Variants in EPN1 observed in about 807,000 individuals in gnomAD.
EPN1 encodes epsin 1.
In EPN1, 25 loss-of-function variants were observed where a neutral mutation model predicts 56.9. The ratio of observed to expected loss-of-function variants is 0.44; its 90% CI spans 0.32 to 0.61. The LOEUF (loss-of-function observed/expected upper bound fraction) is 0.61, where lower values mean the gene tolerates loss of function less well. EPN1 is among the 20% of genes least tolerant of loss of function. The probability of loss-of-function intolerance (pLI) is 0.05; values close to 1 mark genes in which losing one functional copy is unlikely to be tolerated. For synonymous variants in EPN1, 411 were observed against 361.8 expected, an observed-to-expected ratio of 1.14 and a Z score of -1.54; for missense variants, 785 against 823.7, an observed-to-expected ratio of 0.95 and a Z score of 0.58.
At position 55,697,871 on chromosome 19, in the gene EPN1, C is replaced by G. The variant is rs953124174; in HGVS notation, c.*2515C>G. On this transcript the variant is annotated 3_prime_UTR_variant, in exon 11 of 11. Transcript: ENST00000270460. ...CTCCCCCCACTGTGTGTGTATCACTCTTTCTACAGCAGATGTGTCTCTCTC... is the reference window on the plus strand; with the variant it reads ...CTCCCCCCACTGTGTGTGTATCACTGTTTCTACAGCAGATGTGTCTCTCTC... 5 of 152,174 alleles carry G rather than the reference C, an allele frequency of 3.3e-5. No homozygotes were observed. The highest frequency in any genetic ancestry group is 9.7e-5 in the African/African-American group (4 of 41,408). 9.4% of individuals were successfully genotyped at this position (152,174 alleles called of 1,614,324 possible).
Position 55,694,256 on chromosome 19 carries a change from C to T in EPN1, c.1265-470C>T, listed in dbSNP as rs1310774185. The T allele has an allele frequency of 3.2e-5, 5 of 154,594 alleles. No homozygotes were observed. Among genetic ancestry groups the T allele is most frequent in the Non-Finnish European group, 5.7e-5 (4 of 70,740 alleles). The allele number at this position is 154,594 out of a possible 1,614,324, so 9.6% of individuals were successfully genotyped here. On this transcript the variant is annotated intron_variant, in intron 9 of 10. Coordinates refer to ENST00000270460, the MANE Select transcript of EPN1 (RefSeq NM_001130072.2). The surrounding 1 kb of genome is among the most constrained non-coding windows in gnomAD (Gnocchi z 4.2). Reference sequence around the variant, plus strand: ...AAAAAAAAAAAAACAGAAAATCAGACCTCTAGCCAACAGATGTCTTCACGC... The same window carrying T: ...AAAAAAAAAAAAACAGAAAATCAGATCTCTAGCCAACAGATGTCTTCACGC...
Position 55,700,565 on chromosome 19 carries a change from T to A in EPN1, c.*5209T>A, listed in dbSNP as rs10421319. ...GTGAGCCACGGCACCCGGCCCATAA[T>A]TACAAACTTTCTGAGGGACATCTTG... On this transcript the variant is annotated 3_prime_UTR_variant, in exon 11 of 11. Transcript: ENST00000270460. 0.22 allele frequency: 33,816 copies of A among 151,598 alleles called. 5,025 individuals carry two copies. The highest frequency in any genetic ancestry group is 0.32 in the African/African-American group (13,084 of 40,970). The allele number at this position is 151,598 out of a possible 1,614,324, so 9.4% of individuals were successfully genotyped here. A position where few individuals can be genotyped will look rare whatever the true frequency, so the allele number is the denominator to read the frequency against.
At position 55,683,848 on chromosome 19, in the gene EPN1, T is replaced by A. The variant is rs1430136844; in HGVS notation, c.229-1548T>A. On this transcript the variant is annotated intron_variant, in intron 2 of 10. Coordinates refer to ENST00000270460, the MANE Select transcript of EPN1 (RefSeq NM_001130072.2). ...GTTCGGCACAAAGTCTGACCCAGAC[T>A]GAAGTGAGGTCGTTCACATGGTGTC... Among the ~76,000 whole-genome samples, 7 of 152,384 alleles carry A rather than the reference T, an allele frequency of 4.6e-5. No homozygotes were observed. The East Asian group carries it at 1.3e-3, about 29-fold the overall frequency.
In EPN1 at chr19:55,706,138, A is replaced by G; in HGVS notation, c.*10782A>G. The G allele has an allele frequency of 5.2e-6, 1 of 192,266 alleles. No homozygotes were observed. The highest frequency in any genetic ancestry group is 1.0e-5 in the Non-Finnish European group (1 of 99,880). 11.9% of individuals were successfully genotyped at this position (192,266 alleles called of 1,614,324 possible). ...AGGTTTATGAGACTGGAGAACTTTG[A>G]TTTCTTCTTCCTCCTCCTCCTCTCT... On this transcript the variant is annotated 3_prime_UTR_variant, in exon 11 of 11. Transcript: ENST00000270460.
intron 6 of EPN1, 75 bp downstream of exon 6, chr19:55,690,025 A>G: frequency 7.3e-7 from 1 of 1,363,446 alleles, no homozygotes; most frequent in Admixed American, 2.1e-5. Flanking sequence ...CTGCGTGGCC[A>G]GGTCCCTGGA....
At position 55,697,318 on chromosome 19, in the gene EPN1, T is replaced by G. The variant is rs1048297351; in HGVS notation, c.*1962T>G. On this transcript the variant is annotated 3_prime_UTR_variant, in exon 11 of 11. Transcript: ENST00000270460. ...AAAGGGGAGGCGAGCCGAGCCTCCCTCTTGCCAATCTTGGTCTCCCCACAG... is the reference window on the plus strand; with the variant it reads ...AAAGGGGAGGCGAGCCGAGCCTCCCGCTTGCCAATCTTGGTCTCCCCACAG... 3 of 152,170 alleles carry G rather than the reference T, an allele frequency of 2.0e-5. No homozygotes were observed. The highest frequency in any genetic ancestry group is 2.9e-5 in the Non-Finnish European group (2 of 68,028). The allele number at this position is 152,170 out of a possible 1,614,324, so 9.4% of individuals were successfully genotyped here. A position where few individuals can be genotyped will look rare whatever the true frequency, so the allele number is the denominator to read the frequency against.
intron 9 of EPN1, 30 bp downstream of exon 9, chr19:55,693,067 C>T (rs373202205): frequency 1.2e-5 from 19 of 1,595,580 alleles, no homozygotes; most frequent in Non-Finnish European, 1.5e-5. Flanking sequence ...TGCCCAGTGG[C>T]GAGAGGGAGC....
rs533501750 is a variant in EPN1, at chr19:55,706,115, G to GT, written c.*10762dup. 9.3e-4 allele frequency: 225 copies of GT among 242,460 alleles called. No homozygotes were observed. Among genetic ancestry groups the GT allele is most frequent in the South Asian group, 7.0e-3 (133 of 18,966 alleles). 15.0% of individuals were successfully genotyped at this position (242,460 alleles called of 1,614,324 possible). A position where few individuals can be genotyped will look rare whatever the true frequency, so the allele number is the denominator to read the frequency against. On this transcript the variant is annotated 3_prime_UTR_variant, in exon 11 of 11. Transcript: ENST00000270460. Reference sequence around the variant, plus strand: ...TTTTCCAGATTCTCTGCATGTGCAGGTTTATGAGACTGGAGAACTTTGATT... The same window carrying GT: ...TTTTCCAGATTCTCTGCATGTGCAGGTTTTATGAGACTGGAGAACTTTGATT...
intron 2 of EPN1, among the ~76,000 whole-genome samples, chr19:55,683,629 A>T (rs1985974951): frequency 1.3e-5 from 2 of 152,248 alleles, no homozygotes; most frequent in South Asian, 4.1e-4. Flanking sequence ...CCGGGATTAT[A>T]GGCGTGAGCC....
chr19:55,692,709 T>A lies in EPN1; in HGVS notation c.1090T>A (p.Ser364Thr), dbSNP rs1394412947. 6.4e-7 allele frequency: 1 copy of A among 1,554,022 alleles called. No individual in the cohort carries two copies. The highest frequency in any genetic ancestry group is 8.7e-7 in the Non-Finnish European group (1 of 1,148,936). ...AGGTGGGGTCCCGGTCAGTGGGCCC[T>A]CAGCCTCCGATCCCTGGACACCGGC... ...SDGGVPVSGP[S>T]ASDPWTPAPA... The change falls in exon 8 of 11, where the codon TCA becomes ACA. Residue 364 changes from serine to threonine, a missense_variant. Transcript: ENST00000270460.
chr19:55,680,712 T>G (rs1345404369), intron 2 of EPN1: 2 of 152,342 alleles, frequency 1.3e-5, no homozygotes, highest in Non-Finnish European at 2.9e-5. Context: ...TGGGTCCACG[T>G]CTAGCCAGCG....
Position 55,695,369 on chromosome 19 carries a change from G to A in EPN1, c.*13G>A, listed in dbSNP as rs1335426894. The A allele has an allele frequency of 7.0e-7, 1 of 1,426,896 alleles. No homozygotes were observed. The highest frequency in any genetic ancestry group is 9.5e-7 in the Non-Finnish European group (1 of 1,050,906). The allele number at this position is 1,426,896 out of a possible 1,614,324, so 88.4% of individuals were successfully genotyped here. ...CTTCCTCCTATAATCCAGGGCGGAA[G>A]GGGGCCTGGCTCCATCCGGCTGCCC... On this transcript the variant is annotated 3_prime_UTR_variant, in exon 11 of 11. Transcript: ENST00000270460. This position sits in a 1 kb window ranked among gnomAD's most constrained non-coding sequence, Gnocchi z 4.4.
At position 55,706,786 on chromosome 19, in the gene EPN1, C is replaced by G; in HGVS notation, c.*11430C>G. 1 of 151,868 alleles carries G rather than the reference C, an allele frequency of 6.6e-6. No homozygotes were observed. Among genetic ancestry groups the G allele is most frequent in the East Asian group, 1.9e-4 (1 of 5,190 alleles). The allele number at this position is 151,868 out of a possible 1,614,324, so 9.4% of individuals were successfully genotyped here. ...AGGTGCGATGGCTTGTGCCTGTAATCCCAGCAGTTTGAGAGGCTGAAGTGG... is the reference window on the plus strand; with the variant it reads ...AGGTGCGATGGCTTGTGCCTGTAATGCCAGCAGTTTGAGAGGCTGAAGTGG... On this transcript the variant is annotated 3_prime_UTR_variant, in exon 11 of 11. Transcript: ENST00000270460.
chr19:55,691,617 C>T lies in EPN1; in HGVS notation c.763-137C>T. Reference sequence around the variant, plus strand: ...CAGGTGGTGTGTTTGGGGCCTGCCTCCCTCTCACCCCTTATGGATGGCTGC... The same window carrying T: ...CAGGTGGTGTGTTTGGGGCCTGCCTTCCTCTCACCCCTTATGGATGGCTGC... On this transcript the variant is annotated intron_variant, in intron 6 of 10. Coordinates refer to ENST00000270460, the MANE Select transcript of EPN1 (RefSeq NM_001130072.2). The surrounding 1 kb of genome is among the most constrained non-coding windows in gnomAD (Gnocchi z 5.6). 1.4e-6 allele frequency: 1 copy of T among 719,096 alleles called. No homozygotes were observed. The highest frequency in any genetic ancestry group is 2.3e-6 in the Non-Finnish European group (1 of 428,736). The allele number at this position is 719,096 out of a possible 1,614,324, so 44.5% of individuals were successfully genotyped here.
intron 2 of EPN1, among the ~76,000 whole-genome samples, chr19:55,679,904 C>T (rs7249837): frequency 0.34 from 52,136 of 152,012 alleles, 12,368 homozygotes; most frequent in African/African-American, 0.67. Context: ...GTGAGCCTCT[C>T]TGGAGGCAAC....
At position 55,689,038 on chromosome 19, in the gene EPN1, C is replaced by A; in HGVS notation, c.603+44C>A. The A allele has an allele frequency of 6.5e-7, 1 of 1,546,082 alleles. No individual in the cohort carries two copies. Among genetic ancestry groups the A allele is most frequent in the Admixed American group, 1.8e-5 (1 of 54,446 alleles). On this transcript the variant is annotated intron_variant, in intron 4 of 10. Coordinates refer to ENST00000270460, the MANE Select transcript of EPN1 (RefSeq NM_001130072.2). The surrounding 1 kb of genome is among the most constrained non-coding windows in gnomAD (Gnocchi z 5.7). The stretch of plus-strand genomic sequence containing the variant: ...GGGCTGTCTGTCCGCCACCCGCCTC[C>A]ACGCCTCACTTCAGGCTCCCTCCCA...
rs879137467 is a variant in EPN1 at position 55,692,739 on chromosome 19, G to A, written c.1120G>A (p.Ala374Thr). 5.7e-6 allele frequency: 9 copies of A among 1,577,084 alleles called. No homozygotes were observed. Among genetic ancestry groups the A allele is most frequent in the East Asian group, 4.7e-5 (2 of 42,790 alleles). ...SASDPWTPAP[A>T]FSDPWGGSPA... ...CTCCGATCCCTGGACACCGGCCCCGGCCTTCTCAGATCCCTGGGGAGGGTC... is the reference window on the plus strand; with the variant it reads ...CTCCGATCCCTGGACACCGGCCCCGACCTTCTCAGATCCCTGGGGAGGGTC... The change falls in exon 8 of 11, where the codon GCC becomes ACC. Residue 374 changes from alanine (A) to threonine (T), a missense_variant. Physicochemically the swap from Ala to Thr is moderately conservative, Grantham distance 58 (BLOSUM62 0). Around this residue, in one of 2 missense-constraint regions of EPN1, gnomAD observed 650 missense variants for 605.0 expected, o/e 1.07. Transcript: ENST00000270460.
Position 55,694,986 on chromosome 19 carries a change from G to A in EPN1, c.1522+3G>A, listed in dbSNP as rs369047115. The A allele has an allele frequency of 1.3e-4, 201 of 1,557,288 alleles. No homozygotes were observed. The highest frequency in any genetic ancestry group is 1.6e-4 in the Non-Finnish European group (186 of 1,152,532). ...CTCCAACCCCTTCCTGCCAGGCGGT[G>A]AGTGTGGGCCCATCACCTGCTCAAG... On this transcript the variant is annotated splice_donor_region_variant and intron_variant, in intron 10 of 10. Transcript: ENST00000270460. The surrounding 1 kb of genome is among the most constrained non-coding windows in gnomAD (Gnocchi z 4.2).
intron 6 of EPN1, 89 bp downstream of exon 6, chr19:55,690,039 G>A: frequency 7.8e-7 from 1 of 1,276,100 alleles, no homozygotes; most frequent in Non-Finnish European, 1.1e-6. Context: ...CCCTGGAGCA[G>A]AGACTGAAAC....
Sources: gnomAD v4.1 joint callset for allele counts (sites outside exome capture counted in the v4.1 genomes callset) on GRCh38, gnomAD v4.1.1 for gene constraint, gnomAD v4.1.1 regional missense constraint, Gnocchi (gnomAD v3.1) non-coding constraint, MANE v1.5 for transcripts, NCBI Gene and HGNC (gene_info 2026-07-23, HGNC 2026-07-21) for gene names.